The following MAGI1 variants were observed in gnomAD, a reference collection of about 807,000 sequenced individuals.
MAGI1 encodes membrane associated guanylate kinase, WW and PDZ domain containing 1.
MAGI1 carries 58 observed loss-of-function variants against 139.9 expected under a neutral mutation model. The ratio of observed to expected loss-of-function variants is 0.41; its 90% CI spans 0.34 to 0.52. MAGI1 has a LOEUF of 0.52. Ranked by LOEUF, MAGI1 falls within the 20% of genes least tolerant of loss-of-function variation. MAGI1 has a pLI of 0.12. For missense variants in MAGI1, 1,874 were observed against 1,901.6 expected, an observed-to-expected ratio of 0.99 and a Z score of 0.27; for synonymous variants, 812 against 737.9, an observed-to-expected ratio of 1.10 and a Z score of -1.63.
At chr3:65,834,417 T>C (rs2042692763) in intron 1 of MAGI1, among the ~76,000 whole-genome samples, 1 of 152,262 alleles carries the variant, frequency 6.6e-6, no homozygotes, top group Admixed American at 6.5e-5. Flanking sequence ...TATTGATTTC[T>C]ACTTTGATTC....
intron 1 of MAGI1, among the ~76,000 whole-genome samples, chr3:65,908,636 T>C (rs1296922876): frequency 2.0e-5 from 3 of 152,214 alleles, no homozygotes; most frequent in Non-Finnish European, 4.4e-5. Flanking sequence ...AATCATCTTC[T>C]ATATTTTTCT....
At chr3:65,905,423 T>TA (rs1485064635) in intron 1 of MAGI1, among the ~76,000 whole-genome samples, 1 of 67,754 alleles carries the variant, frequency 1.5e-5, no homozygotes, top group African/African-American at 9.4e-5. Context: ...CTATGAAATA[T>TA]TTTTTTTTTC....
At chr3:65,778,147 C>T (rs552385013) in intron 1 of MAGI1, among the ~76,000 whole-genome samples, 8 of 152,106 alleles carry the variant, frequency 5.3e-5, no homozygotes, top group South Asian at 4.2e-4. Flanking sequence ...AAGAAAAGTT[C>T]GGCCAGGTGC....
chr3:65,507,413 A>G (rs1256257976), intron 2 of MAGI1, among the ~76,000 whole-genome samples: 2 of 152,250 alleles, frequency 1.3e-5, no homozygotes, highest in African/African-American at 2.4e-5. Context: ...AATATCACAT[A>G]AAATTGTATG....
intron 2 of MAGI1, among the ~76,000 whole-genome samples, chr3:65,552,207 T>C (rs888630658): frequency 7.9e-5 from 12 of 151,944 alleles, no homozygotes; most frequent in Non-Finnish European, 1.3e-4. Context: ...ATGAAGAGGA[T>C]TGGAGTACAG....
intron 1 of MAGI1, among the ~76,000 whole-genome samples, chr3:65,709,096 C>G (rs187377511): frequency 6.6e-6 from 1 of 152,300 alleles, no homozygotes; most frequent in East Asian, 1.9e-4. Context: ...TAAAGTTAGC[C>G]AGTGATTTTC....
At chr3:65,864,909 T>C (rs946474866) in intron 1 of MAGI1, among the ~76,000 whole-genome samples, 2 of 152,294 alleles carry the variant, frequency 1.3e-5, no homozygotes, top group South Asian at 2.1e-4. Context: ...ATGCAAATGG[T>C]CATCATTATC....
In MAGI1 at chr3:65,894,569, TTTG is replaced by T. The variant is rs1381562931; in HGVS notation, c.313+143424_313+143426del. Among the ~76,000 whole-genome samples the T allele has an allele frequency of 3.2e-4, 48 of 152,260 alleles. 1 individual carries two copies. The highest frequency in any genetic ancestry group is 7.0e-4 in the African/African-American group (29 of 41,474). The stretch of plus-strand genomic sequence containing the variant: ...AGTGATGTCAAATGTTAGCATTTTC[TTTG>T]TTGTTGTAATTGAGGATTCGTGTAA... On this transcript the variant is annotated intron_variant, in intron 1 of 22. Coordinates refer to ENST00000402939, the MANE Select transcript of MAGI1 (RefSeq NM_001033057.2).
chr3:65,989,725 A>G (rs747358980), intron 1 of MAGI1, among the ~76,000 whole-genome samples: 8 of 152,084 alleles, frequency 5.3e-5, no homozygotes, highest in Non-Finnish European at 8.8e-5. Context: ...TTTGGTAGAG[A>G]CAGGGTTTTG....
At chr3:65,492,949 G>T (rs1025282747) in intron 3 of MAGI1, among the ~76,000 whole-genome samples, 2 of 151,896 alleles carry the variant, frequency 1.3e-5, no homozygotes, top group Non-Finnish European at 2.9e-5. Context: ...ATGGTGGCAG[G>T]CGCCTGTAAT....
At chr3:65,426,706 A>G (rs1947069893) in intron 12 of MAGI1, among the ~76,000 whole-genome samples, 1 of 152,206 alleles carries the variant, frequency 6.6e-6, no homozygotes, top group Admixed American at 6.5e-5. Flanking sequence ...TGATTCAAGC[A>G]ACTAATGTAT....
intron 1 of MAGI1, among the ~76,000 whole-genome samples, chr3:65,937,904 T>C (rs1169735088): frequency 6.6e-6 from 1 of 152,112 alleles, no homozygotes; most frequent in Non-Finnish European, 1.5e-5. Flanking sequence ...GAAAATAAAA[T>C]ATGGCATTTA....
rs371846291 is a variant in MAGI1, at chr3:65,514,860, G to A, written c.431-21229C>T. On this transcript the variant is annotated intron_variant, in intron 2 of 22. Transcript: ENST00000402939. Reference sequence around the variant, plus strand: ...TGCTGCTATAAAGACACATGCACACGTATGTTTATTGCGGCATTATTCACA... The same window carrying A: ...TGCTGCTATAAAGACACATGCACACATATGTTTATTGCGGCATTATTCACA... Among the ~76,000 whole-genome samples, 5 of 147,362 alleles carry A rather than the reference G, an allele frequency of 3.4e-5. No homozygotes were observed. The East Asian group carries it at 6.1e-4, about 18-fold the overall frequency.
intron 12 of MAGI1, among the ~76,000 whole-genome samples, chr3:65,405,438 G>C (rs1945254269): frequency 6.6e-6 from 1 of 152,142 alleles, no homozygotes; most frequent in African/African-American, 2.4e-5. Flanking sequence ...GCAAAGAAAG[G>C]CTAGAAGGTT....
intron 1 of MAGI1, among the ~76,000 whole-genome samples, chr3:65,892,434 A>G (rs2060809629): frequency 6.6e-6 from 1 of 152,218 alleles, no homozygotes; most frequent in African/African-American, 2.4e-5. Flanking sequence ...TAATAGCAGA[A>G]TCAGATTTTA....
At chr3:65,435,927 G>A (rs935387648) in intron 10 of MAGI1, among the ~76,000 whole-genome samples, 1 of 152,122 alleles carries the variant, frequency 6.6e-6, no homozygotes, top group Non-Finnish European at 1.5e-5. Flanking sequence ...CTAACTTACT[G>A]TGAGAGAGGG....
intron 14 of MAGI1, 92 bp from the exon 15 acceptor site, chr3:65,383,715 G>C (rs753670737): frequency 3.7e-6 from 3 of 814,566 alleles, no homozygotes; most frequent in Middle Eastern, 2.7e-4. Context: ...CAAGAATGGT[G>C]GTGCTTGATC....
chr3:65,450,671 T>G (rs528501037), intron 6 of MAGI1, among the ~76,000 whole-genome samples: 1 of 152,292 alleles, frequency 6.6e-6, no homozygotes, highest in East Asian at 1.9e-4. Context: ...ACTGAGGGCT[T>G]CTAACTGAAC....
intron 1 of MAGI1, among the ~76,000 whole-genome samples, chr3:65,780,248 T>A (rs1341806332): frequency 1.3e-5 from 2 of 152,120 alleles, no homozygotes; most frequent in African/African-American, 4.8e-5. Context: ...GGTCTCAAAC[T>A]CCCAGGCTCA....
Sources: gnomAD v4.1 joint callset for allele counts (sites outside exome capture counted in the v4.1 genomes callset) on GRCh38, gnomAD v4.1.1 for gene constraint, MANE v1.5 for transcripts, NCBI Gene and HGNC (gene_info 2026-07-23, HGNC 2026-07-21) for gene names.